The following GUCY1A2 variants were observed in gnomAD, a reference collection of about 807,000 sequenced individuals.
GUCY1A2 encodes guanylate cyclase 1 soluble subunit alpha 2.
GUCY1A2 carries 27 observed loss-of-function variants against 63.5 expected under a neutral mutation model. The observed-to-expected ratio is 0.43, with a 90% CI of 0.31 to 0.59. The LOEUF (loss-of-function observed/expected upper bound fraction) is 0.59, where lower values mean the gene tolerates loss of function less well. Ranked by LOEUF, GUCY1A2 falls within the 20% of genes least tolerant of loss-of-function variation. The pLI, the probability that GUCY1A2 is intolerant of heterozygous loss-of-function variation, is 0.11. For missense variants in GUCY1A2, 768 were observed against 913.3 expected, an observed-to-expected ratio of 0.84 and a Z score of 2.05; for synonymous variants, 364 against 343.5, an observed-to-expected ratio of 1.06 and a Z score of -0.66.
At chr11:106,807,314 T>A (rs1327612624) in intron 5 of GUCY1A2, among the ~76,000 whole-genome samples, 2 of 152,218 alleles carry the variant, frequency 1.3e-5, no homozygotes, top group Non-Finnish European at 2.9e-5. Context: ...GTGTATTTTC[T>A]AGAAAATACA....
At chr11:106,845,534 GAGC>G (rs1470996016) in intron 4 of GUCY1A2, among the ~76,000 whole-genome samples, 1 of 151,578 alleles carries the variant, frequency 6.6e-6, no homozygotes, top group Non-Finnish European at 1.5e-5. Context: ...AGAAGTTAAA[GAGC>G]AGGTCAATGT....
intron 7 of GUCY1A2, among the ~76,000 whole-genome samples, chr11:106,702,286 A>G (rs1862830085): frequency 6.6e-6 from 1 of 152,226 alleles, no homozygotes; most frequent in Non-Finnish European, 1.5e-5. Context: ...CCAATATTAG[A>G]TGCAGTTCTC....
At chr11:106,872,732 A>G (rs1021412753) in intron 4 of GUCY1A2, among the ~76,000 whole-genome samples, 4 of 152,200 alleles carry the variant, frequency 2.6e-5, no homozygotes, top group African/African-American at 4.8e-5. Context: ...TTAAGTCCCA[A>G]TTCTTCAGAA....
At chr11:106,953,779 A>G (rs1274622665) in intron 3 of GUCY1A2, among the ~76,000 whole-genome samples, 1 of 151,626 alleles carries the variant, frequency 6.6e-6, no homozygotes, top group Non-Finnish European at 1.5e-5. Context: ...GAATTTATCC[A>G]TTTCTTCTAG....
chr11:106,802,977 A>G (rs1466536523), intron 5 of GUCY1A2, among the ~76,000 whole-genome samples: 2 of 152,190 alleles, frequency 1.3e-5, no homozygotes, highest in Admixed American at 1.3e-4. Context: ...ACCACTCTTC[A>G]GAAATTAAAT....
rs190026327 is a variant in GUCY1A2, at chr11:106,926,711, C to T, written c.1206+12749G>A. 4.2e-4 allele frequency among the ~76,000 whole-genome samples: 63 copies of T among 151,722 alleles called. 1 individual carries two copies. Among genetic ancestry groups the T allele is most frequent in the African/African-American group, 1.3e-3 (53 of 41,430 alleles). ...AGTGGTGAGAAGCAGCCCCATAAAC[C>T]GAGTATCGGCAGTGCCCCGGAGGTC... On this transcript the variant is annotated intron_variant, in intron 4 of 7. Coordinates refer to ENST00000526355, the MANE Select transcript of GUCY1A2 (RefSeq NM_000855.3).
intron 3 of GUCY1A2, among the ~76,000 whole-genome samples, chr11:106,954,321 TTGAG>T (rs1209429790): frequency 6.6e-6 from 1 of 152,212 alleles, no homozygotes; most frequent in Non-Finnish European, 1.5e-5. Flanking sequence ...TTGTGTCGTT[TTGAG>T]TGAGTTTCTT....
intron 4 of GUCY1A2, among the ~76,000 whole-genome samples, chr11:106,820,814 GCTA>G (rs1234847432): frequency 6.6e-6 from 1 of 152,130 alleles, no homozygotes; most frequent in African/African-American, 2.4e-5. Context: ...GGCTAATTAT[GCTA>G]CTGTTTATTC....
intron 4 of GUCY1A2, among the ~76,000 whole-genome samples, chr11:106,838,759 TG>T (rs1242624810): frequency 3.4e-4 from 52 of 152,124 alleles, no homozygotes; most frequent in African/African-American, 1.2e-3. Context: ...TCATGTCTGT[TG>T]GCTGCATAAA....
rs1466674038 is a variant in GUCY1A2 at position 106,681,287 on chromosome 11, A to G, written c.*6262T>C. 1.3e-5 allele frequency: 3 copies of G among 223,904 alleles called. No individual in the cohort carries two copies. The highest frequency in any genetic ancestry group is 2.2e-5 in the African/African-American group (1 of 44,790). The allele number at this position is 223,904 out of a possible 1,614,324, so 13.9% of individuals were successfully genotyped here. A position where few individuals can be genotyped will look rare whatever the true frequency, so the allele number is the denominator to read the frequency against. On this transcript the variant is annotated 3_prime_UTR_variant, in exon 8 of 8. Coordinates refer to ENST00000526355, the MANE Select transcript of GUCY1A2 (RefSeq NM_000855.3). ...TGAGCTCTTTTATCTTTACTCTTTCATCTTCCAAGACCATATCAAACCAAC... is the reference window on the plus strand; with the variant it reads ...TGAGCTCTTTTATCTTTACTCTTTCGTCTTCCAAGACCATATCAAACCAAC...
intron 7 of GUCY1A2, among the ~76,000 whole-genome samples, chr11:106,701,327 G>C (rs1406196105): frequency 1.3e-5 from 2 of 151,764 alleles, no homozygotes; most frequent in African/African-American, 2.4e-5. Flanking sequence ...AATATAGTTA[G>C]AAATACAGAC....
intron 1 of GUCY1A2, among the ~76,000 whole-genome samples, chr11:107,007,970 C>T (rs1861694463): frequency 6.8e-6 from 1 of 147,706 alleles, no homozygotes; most frequent in Non-Finnish European, 1.5e-5. Flanking sequence ...ACTGTTGTGT[C>T]TACAGGCATT....
intron 4 of GUCY1A2, among the ~76,000 whole-genome samples, chr11:106,856,026 G>A (rs948033843): frequency 1.3e-5 from 2 of 151,578 alleles, no homozygotes; most frequent in Non-Finnish European, 2.9e-5. Flanking sequence ...CCTGGGCTCA[G>A]GTGATCCTCC....
chr11:106,797,086 G>A (rs1454624934), intron 5 of GUCY1A2, among the ~76,000 whole-genome samples: 1 of 152,012 alleles, frequency 6.6e-6, no homozygotes, highest in African/African-American at 2.4e-5. Flanking sequence ...AAGCTTATGT[G>A]TTCATCACAT....
At chr11:106,892,663 T>C (rs1408785637) in intron 4 of GUCY1A2, among the ~76,000 whole-genome samples, 1 of 152,134 alleles carries the variant, frequency 6.6e-6, no homozygotes, top group Non-Finnish European at 1.5e-5. Flanking sequence ...TGTGTATCGT[T>C]TTTCCTGATT....
rs199514131 is a variant in GUCY1A2, at chr11:106,981,525, TTTCTTTA to T, written c.366-2792_366-2786del. ...TTACTGGCATGGTTCTGAATACATA[TTTCTTTA>T]TTCTTTATTGTTTAAAATATATAGT... On this transcript the variant is annotated intron_variant, in intron 2 of 7. Coordinates refer to ENST00000526355, the MANE Select transcript of GUCY1A2 (RefSeq NM_000855.3). 5.9e-3 allele frequency among the ~76,000 whole-genome samples: 897 copies of T among 152,094 alleles called. 7 individuals carry two copies. Among genetic ancestry groups the T allele is most frequent in the African/African-American group, 0.021 (864 of 41,486 alleles).
intron 4 of GUCY1A2, among the ~76,000 whole-genome samples, chr11:106,934,896 T>A (rs1482416101): frequency 1.3e-5 from 2 of 152,334 alleles, no homozygotes; most frequent in South Asian, 4.1e-4. Flanking sequence ...CCGTTGCTGC[T>A]TCAGGTTGTG....
intron 6 of GUCY1A2, among the ~76,000 whole-genome samples, chr11:106,754,788 T>C (rs1863944306): frequency 6.6e-6 from 1 of 152,208 alleles, no homozygotes; most frequent in African/African-American, 2.4e-5. Flanking sequence ...CACATCAATG[T>C]TCATCAGGGA....
intron 3 of GUCY1A2, 63 bp downstream of exon 3, chr11:106,978,556 C>T: frequency 8.8e-7 from 1 of 1,138,352 alleles, no homozygotes; most frequent in Non-Finnish European, 1.3e-6. Flanking sequence ...TGAAACACTT[C>T]CACCTCGACT....
Sources: allele counts gnomAD v4.1 joint callset (sites outside exome capture counted in the v4.1 genomes callset), GRCh38; gene constraint gnomAD v4.1.1; transcripts MANE v1.5; gene names NCBI Gene and HGNC (gene_info 2026-07-23, HGNC 2026-07-21).